Variants in DIS3L2 observed in about 807,000 individuals in gnomAD.
DIS3L2 encodes the protein DIS3 like 3'-5' exoribonuclease 2, also known as DIS3-like exonuclease 2.
In DIS3L2, 34 loss-of-function variants were observed where a neutral mutation model predicts 97.5. The ratio of observed to expected loss-of-function variants is 0.35; its 90% CI spans 0.27 to 0.46. DIS3L2 has a LOEUF of 0.46. DIS3L2 is among the 20% of genes least tolerant of loss of function. DIS3L2 has a pLI of 1.00. For synonymous variants in DIS3L2, 435 were observed against 445.2 expected (o/e 0.98, Z 0.29); for missense variants, 1,038 against 1,146.0 (o/e 0.91, Z 1.36).
At chr2:232,305,828 A>C (rs948590383) in intron 14 of DIS3L2, among the ~76,000 whole-genome samples, 2 of 151,998 alleles carry the variant, frequency 1.3e-5, no homozygotes, top group African/African-American at 4.8e-5. Context: ...GATGGCACAC[A>C]CCTGTAAGAC....
rs1187466388 is a variant in DIS3L2 at position 232,268,086 on chromosome 2, G to T, written c.1659+4646G>T. Among the ~76,000 whole-genome samples, 3 of 152,318 alleles carry T rather than the reference G, an allele frequency of 2.0e-5. No homozygotes were observed. The highest frequency in any genetic ancestry group is 7.2e-5 in the African/African-American group (3 of 41,568). ...AAAATAAGCATGAGGTTTGCAGGAA[G>T]CTGTGCACCATCATGGGTCCCCTGA... On this transcript the variant is annotated intron_variant, in intron 13 of 20. Transcript: ENST00000325385. The surrounding 1 kb of genome is among the most constrained non-coding windows in gnomAD (Gnocchi z 4.1).
chr2:232,145,291 A>G (rs1690187129), intron 8 of DIS3L2, among the ~76,000 whole-genome samples: 1 of 152,124 alleles, frequency 6.6e-6, no homozygotes, highest in Non-Finnish European at 1.5e-5. Flanking sequence ...TGAAGAATAG[A>G]TGTTTGAAGT....
intron 7 of DIS3L2, among the ~76,000 whole-genome samples, chr2:232,135,776 G>GT (rs1698337940): frequency 6.6e-6 from 1 of 152,076 alleles, no homozygotes. Context: ...TTTGTTCAGG[G>GT]GTCTGGTGGG....
At chr2:232,064,783 C>A (rs1467961502) in intron 5 of DIS3L2, among the ~76,000 whole-genome samples, 2 of 152,044 alleles carry the variant, frequency 1.3e-5, no homozygotes, top group African/African-American at 4.8e-5. Flanking sequence ...TTGAATTTCC[C>A]TGATGACAAA....
intron 5 of DIS3L2, 76 bp from the exon 6 acceptor site, chr2:232,087,411 C>T: frequency 8.8e-7 from 1 of 1,130,796 alleles, no homozygotes; most frequent in Non-Finnish European, 1.2e-6. Flanking sequence ...GCAGTTTCTT[C>T]CTTAGAAAAG....
At chr2:232,305,596 T>C (rs1263826527) in intron 14 of DIS3L2, among the ~76,000 whole-genome samples, 1 of 152,222 alleles carries the variant, frequency 6.6e-6, no homozygotes, top group Non-Finnish European at 1.5e-5. Context: ...AATTCTCTTA[T>C]TTCTTGTGTC....
At chr2:232,242,288 A>G (rs1219847207) in intron 11 of DIS3L2, among the ~76,000 whole-genome samples, 1 of 152,184 alleles carries the variant, frequency 6.6e-6, no homozygotes, top group Non-Finnish European at 1.5e-5. Flanking sequence ...AAAGGGGGAA[A>G]AGTCACCAAT....
chr2:232,302,931 ATTAT>A (rs1694898663), intron 14 of DIS3L2, among the ~76,000 whole-genome samples: 1 of 152,170 alleles, frequency 6.6e-6, no homozygotes, highest in Admixed American at 6.5e-5. Context: ...TTGTTAATTA[ATTAT>A]TAATAGTAGG....
intron 12 of DIS3L2, among the ~76,000 whole-genome samples, chr2:232,253,820 A>G (rs973559254): frequency 1.3e-5 from 2 of 152,176 alleles, no homozygotes; most frequent in African/African-American, 4.8e-5. Context: ...AAAAGTAGTT[A>G]CTCTTGGGAA....
At position 232,037,591 on chromosome 2, in the gene DIS3L2, A is replaced by C. The variant is rs1212606514; in HGVS notation, c.366+7511A>C. ...AGGAGTCACTGGGGTACGAAAAAAAACTCCTGCAGCTAGCTCGGTGTCTGC... is the reference window on the plus strand; with the variant it reads ...AGGAGTCACTGGGGTACGAAAAAAACCTCCTGCAGCTAGCTCGGTGTCTGC... On this transcript the variant is annotated intron_variant, in intron 5 of 20. Transcript: ENST00000325385. The surrounding 1 kb of genome is among the most constrained non-coding windows in gnomAD (Gnocchi z 4.6). 6.6e-6 allele frequency among the ~76,000 whole-genome samples: 1 copy of C among 151,188 alleles called. No homozygotes were observed. The highest frequency in any genetic ancestry group is 1.9e-4 in the East Asian group (1 of 5,148).
chr2:232,261,260 G>A (rs932732527), intron 12 of DIS3L2, among the ~76,000 whole-genome samples: 2 of 151,948 alleles, frequency 1.3e-5, no homozygotes, highest in Non-Finnish European at 1.5e-5. Context: ...AGGATGGATG[G>A]CCTCCATTTG....
chr2:232,277,969 G>A (rs1337367376), intron 13 of DIS3L2, among the ~76,000 whole-genome samples: 2 of 150,922 alleles, frequency 1.3e-5, no homozygotes, highest in African/African-American at 4.9e-5. Flanking sequence ...GGGACCACTG[G>A]CAGATATGGG....
At chr2:232,056,936 G>C (rs1695563332) in intron 5 of DIS3L2, among the ~76,000 whole-genome samples, 1 of 152,022 alleles carries the variant, frequency 6.6e-6, no homozygotes, top group Non-Finnish European at 1.5e-5. Flanking sequence ...ACAGTAATGG[G>C]TACATTTGTA....
At chr2:232,139,494 G>T (rs1698451844) in intron 8 of DIS3L2, among the ~76,000 whole-genome samples, 2 of 152,146 alleles carry the variant, frequency 1.3e-5, no homozygotes, top group Non-Finnish European at 2.9e-5. Flanking sequence ...TCAAGCAGAG[G>T]TGGGGGTCCA....
chr2:231,977,544 C>T (rs1035591970), intron 1 of DIS3L2, among the ~76,000 whole-genome samples: 2 of 152,146 alleles, frequency 1.3e-5, no homozygotes, highest in African/African-American at 4.8e-5. Context: ...TTGTACTGTG[C>T]TAATGAAAGG....
At chr2:232,191,506 TAAA>T (rs1391668862) in intron 9 of DIS3L2, among the ~76,000 whole-genome samples, 1 of 152,196 alleles carries the variant, frequency 6.6e-6, no homozygotes, top group African/African-American at 2.4e-5. Context: ...AAGTAATCCT[TAAA>T]AAATCACAAG....
intron 3 of DIS3L2, among the ~76,000 whole-genome samples, chr2:232,024,048 C>T (rs997380820): frequency 7.2e-5 from 11 of 152,140 alleles, no homozygotes; most frequent in African/African-American, 2.7e-4. Context: ...CTTACCTTTG[C>T]TTGTTCACAC....
intron 1 of DIS3L2, among the ~76,000 whole-genome samples, chr2:231,988,796 A>T (rs1693493250): frequency 2.0e-5 from 3 of 152,202 alleles, no homozygotes; most frequent in African/African-American, 7.2e-5. Flanking sequence ...TATAACTGAC[A>T]TTTTTGAAAA....
chr2:232,281,226 C>T lies in DIS3L2; in HGVS notation c.1659+17786C>T, dbSNP rs1356376197. Among the ~76,000 whole-genome samples the T allele has an allele frequency of 6.6e-6, 1 of 152,096 alleles. No homozygotes were observed. The highest frequency in any genetic ancestry group is 6.5e-5 in the Admixed American group (1 of 15,276). On this transcript the variant is annotated intron_variant, in intron 13 of 20. Transcript: ENST00000325385. The surrounding 1 kb of genome is among the most constrained non-coding windows in gnomAD (Gnocchi z 4.1). ...CATCCTGGCTAACATGGTGAAACCC[C>T]ATCTCTACTAAAAATACAAAAAATT...
Sources: gnomAD v4.1 joint callset for allele counts (sites outside exome capture counted in the v4.1 genomes callset) on GRCh38, gnomAD v4.1.1 for gene constraint, Gnocchi (gnomAD v3.1) non-coding constraint, MANE v1.5 for transcripts, NCBI Gene and HGNC (gene_info 2026-07-23, HGNC 2026-07-21) for gene names.